The following SLC25A12 variants were observed in gnomAD, a reference collection of about 807,000 sequenced individuals.
SLC25A12 encodes electrogenic aspartate/glutamate antiporter SLC25A12, mitochondrial.
SLC25A12 carries 32 observed loss-of-function variants against 83.3 expected under a neutral mutation model. The ratio of observed to expected loss-of-function variants is 0.38; its 90% CI spans 0.29 to 0.52. The LOEUF is 0.52. Among genes scored for constraint, SLC25A12 ranks in the 20% least tolerant of loss-of-function variants. The pLI is 0.84. For missense variants in SLC25A12, 611 were observed against 835.6 expected (o/e 0.73, Z 3.31); for synonymous variants, 267 against 291.1 (o/e 0.92, Z 0.84).
Position 171,785,195 on chromosome 2 carries a change from TGA to T in SLC25A12, c.*77_*78del. The T allele has an allele frequency of 7.6e-7, 1 of 1,309,176 alleles. No homozygotes were observed. The highest frequency in any genetic ancestry group is 1.1e-6 in the Non-Finnish European group (1 of 906,448). 81.1% of individuals were successfully genotyped at this position (1,309,176 alleles called of 1,614,324 possible). Reference sequence around the variant, plus strand: ...CTCAGCTCAGTCAGTACCATGCAGCTGACTGGATACATTACAGGGCTGCTCTC... The same window carrying T: ...CTCAGCTCAGTCAGTACCATGCAGCTCTGGATACATTACAGGGCTGCTCTC... On this transcript the variant is annotated 3_prime_UTR_variant, in exon 18 of 18. Transcript: ENST00000422440.
Position 171,821,017 on chromosome 2 carries a change from C to CTTTT in SLC25A12, c.930+5777_930+5780dup, listed in dbSNP as rs869070730. 2.7e-3 allele frequency among the ~76,000 whole-genome samples: 131 copies of CTTTT among 48,648 alleles called. 17 individuals carry two copies. Among genetic ancestry groups the CTTTT allele is most frequent in the African/African-American group, 7.9e-3 (100 of 12,590 alleles). The allele number at this position is 48,648 out of a possible 152,430, so 31.9% of individuals were successfully genotyped here. A position where few individuals can be genotyped will look rare whatever the true frequency, so the allele number is the denominator to read the frequency against. ...TGCAAATAACGCAGCTATAAACATT[C>CTTTT]TTTTTTTTTTTTTTTTTTTTTTTTT... On this transcript the variant is annotated intron_variant, in intron 9 of 17. Coordinates refer to ENST00000422440, the MANE Select transcript of SLC25A12 (RefSeq NM_003705.5).
intron 2 of SLC25A12, among the ~76,000 whole-genome samples, chr2:171,870,620 CA>C (rs1008128871): frequency 2.0e-5 from 3 of 147,920 alleles, no homozygotes; most frequent in Non-Finnish European, 3.0e-5. Context: ...GACCCTGTTT[CA>C]AAAAAAAATA....
In SLC25A12 at chr2:171,882,210, C is replaced by G. The variant is rs78617718; in HGVS notation, c.66+10995G>C. On this transcript the variant is annotated intron_variant, in intron 2 of 17. Transcript: ENST00000422440. ...TAATGTGCCTAGCTTTCCTTCCCCC[C>G]TTCTGGTAACTGCATGCTAATTTTT... Among the ~76,000 whole-genome samples the G allele has an allele frequency of 9.4e-3, 1,436 of 152,256 alleles. 19 individuals are homozygous for G. Among genetic ancestry groups the G allele is most frequent in the African/African-American group, 0.033 (1,355 of 41,550 alleles).
intron 13 of SLC25A12, among the ~76,000 whole-genome samples, chr2:171,806,038 G>C (rs1683818731): frequency 6.6e-6 from 1 of 152,096 alleles, no homozygotes; most frequent in Non-Finnish European, 1.5e-5. Flanking sequence ...TTGAGCCCAG[G>C]AGTTGTCAAG....
intron 13 of SLC25A12, among the ~76,000 whole-genome samples, chr2:171,801,300 C>T (rs529128181): frequency 1.0e-3 from 154 of 152,228 alleles, no homozygotes; most frequent in Non-Finnish European, 1.0e-4. Flanking sequence ...ATGAAACCTC[C>T]AGCATATATT....
At chr2:171,850,229 C>T (rs532991598) in intron 4 of SLC25A12, among the ~76,000 whole-genome samples, 1 of 151,996 alleles carries the variant, frequency 6.6e-6, no homozygotes, top group Admixed American at 6.5e-5. Flanking sequence ...AATTCTCCTG[C>T]CTCAGCCTCC....
chr2:171,831,096 G>T (rs1684421331), intron 8 of SLC25A12, among the ~76,000 whole-genome samples: 1 of 152,208 alleles, frequency 6.6e-6, no homozygotes, highest in East Asian at 1.9e-4. Flanking sequence ...AAACTGCGTT[G>T]TGCCTCAGTT....
chr2:171,787,438 T>C (rs1270133670), intron 17 of SLC25A12, 133 bp downstream of exon 17: 8 of 805,516 alleles, frequency 9.9e-6, no homozygotes. Flanking sequence ...AAGCTCACTG[T>C]TTTAAATGCA....
At chr2:171,852,624 A>C (rs1050381461) in intron 4 of SLC25A12, 2 of 452,786 alleles carry the variant, frequency 4.4e-6, no homozygotes, top group Admixed American at 4.8e-5. Flanking sequence ...TAAATACATA[A>C]GCACAATTCA....
At chr2:171,863,369 C>T (rs1166229782) in intron 3 of SLC25A12, among the ~76,000 whole-genome samples, 1 of 151,714 alleles carries the variant, frequency 6.6e-6, no homozygotes, top group Admixed American at 6.6e-5. Context: ...CTACTAAAAA[C>T]ACAAAAATTA....
At chr2:171,847,517 G>A (rs1238796502) in intron 4 of SLC25A12, among the ~76,000 whole-genome samples, 4 of 152,148 alleles carry the variant, frequency 2.6e-5, no homozygotes, top group Admixed American at 6.5e-5. Context: ...ACATCTAACT[G>A]AAACTGTATA....
chr2:171,853,314 T>A (rs147027576), intron 4 of SLC25A12, among the ~76,000 whole-genome samples: 70 of 152,382 alleles, frequency 4.6e-4, no homozygotes, highest in African/African-American at 1.5e-3. Flanking sequence ...TTGTGTTTAA[T>A]CCTAACTATA....
intron 3 of SLC25A12, among the ~76,000 whole-genome samples, chr2:171,864,931 G>A (rs923237658): frequency 6.6e-6 from 1 of 151,874 alleles, no homozygotes; most frequent in Non-Finnish European, 1.5e-5. Context: ...GTATTTGTAA[G>A]GCCCAACAGT....
chr2:171,839,114 A>G (rs1056814761), intron 5 of SLC25A12, among the ~76,000 whole-genome samples: 3 of 152,218 alleles, frequency 2.0e-5, no homozygotes, highest in African/African-American at 7.2e-5. Context: ...AGAGAAAGAG[A>G]GAAAGTAATC....
intron 4 of SLC25A12, among the ~76,000 whole-genome samples, chr2:171,848,503 G>C (rs1169511726): frequency 2.6e-5 from 4 of 152,326 alleles, no homozygotes; most frequent in East Asian, 1.9e-4. Flanking sequence ...ACCATGAATG[G>C]TGAATATCCT....
chr2:171,849,202 T>TA (rs1684860422), intron 4 of SLC25A12, among the ~76,000 whole-genome samples: 1 of 151,330 alleles, frequency 6.6e-6, no homozygotes, highest in African/African-American at 2.5e-5. Context: ...AATTAATAAA[T>TA]AAATACATAC....
intron 9 of SLC25A12, among the ~76,000 whole-genome samples, chr2:171,817,600 C>CAA (rs71013076): frequency 0.015 from 934 of 64,218 alleles, 73 homozygotes; most frequent in African/African-American, 0.054. Flanking sequence ...GACTCTGCCT[C>CAA]AAAAAAAAAA....
At chr2:171,814,546 G>C (rs1684009819) in intron 10 of SLC25A12, among the ~76,000 whole-genome samples, 1 of 151,462 alleles carries the variant, frequency 6.6e-6, no homozygotes, top group East Asian at 1.9e-4. Context: ...TTGTCACATA[G>C]GTAAACACGT....
At chr2:171,803,823 ACACACACACG>A (rs1010590449) in intron 13 of SLC25A12, among the ~76,000 whole-genome samples, 1 of 149,626 alleles carries the variant, frequency 6.7e-6, no homozygotes. Flanking sequence ...ACACACACAC[ACACACACACG>A]CGCGCACACA....
Sources: gnomAD v4.1 joint callset for allele counts (sites outside exome capture counted in the v4.1 genomes callset) on GRCh38, gnomAD v4.1.1 for gene constraint, MANE v1.5 for transcripts, NCBI Gene and HGNC (gene_info 2026-07-23, HGNC 2026-07-21) for gene names.